CORO2B: variants seen among roughly 807,000 people sequenced by gnomAD.
CORO2B encodes coronin 2B.
CORO2B carries 26 observed loss-of-function variants against 58.8 expected under a neutral mutation model. The ratio of observed to expected loss-of-function variants is 0.44; its 90% confidence interval spans 0.32 to 0.61. CORO2B has a LOEUF of 0.61. Ranked by LOEUF, CORO2B falls within the 20% of genes least tolerant of loss-of-function variation. The pLI is 0.04. For synonymous variants in CORO2B, 242 were observed against 253.8 expected (o/e 0.95, Z 0.44); for missense variants, 460 against 645.1 (o/e 0.71, Z 3.11).
chr15:68,540,770 A>AAAACACACACAC, the CORO2B span, among the ~76,000 whole-genome samples: 1 of 152,204 alleles, frequency 6.6e-6, no homozygotes, highest in Non-Finnish European at 1.5e-5. Flanking sequence ...CATGGTGGTT[A>AAAACACACACAC]AAACACACAC....
At chr15:68,613,176 G>C (rs368562338) in intron 1 of CORO2B, among the ~76,000 whole-genome samples, 2 of 152,176 alleles carry the variant, frequency 1.3e-5, no homozygotes, top group African/African-American at 4.8e-5. Flanking sequence ...TTTATCGCAT[G>C]ACCACATACT....
chr15:68,528,312 T>TC, the CORO2B span, among the ~76,000 whole-genome samples: 1 of 152,196 alleles, frequency 6.6e-6, no homozygotes, highest in Non-Finnish European at 1.5e-5. Flanking sequence ...GAGGAAGTTT[T>TC]CTTCTATTCC....
chr15:68,677,532 G>T (rs1902628081), intron 2 of CORO2B, among the ~76,000 whole-genome samples: 1 of 152,206 alleles, frequency 6.6e-6, no homozygotes, highest in Non-Finnish European at 1.5e-5. Context: ...CCAGATGGTG[G>T]CGGGGGGATG....
chr15:68,632,624 T>C (rs547024908), intron 1 of CORO2B, among the ~76,000 whole-genome samples: 65 of 152,372 alleles, frequency 4.3e-4, no homozygotes, highest in African/African-American at 1.5e-3. Flanking sequence ...AGAGTCTTGC[T>C]CTGTCATCCA....
At chr15:68,672,303 A>G (rs1902429704) in intron 2 of CORO2B, among the ~76,000 whole-genome samples, 2 of 151,886 alleles carry the variant, frequency 1.3e-5, no homozygotes. Context: ...TGGTACAATC[A>G]TAGCTCACTG....
intron 11 of CORO2B, among the ~76,000 whole-genome samples, chr15:68,720,588 T>A (rs150925990): frequency 1.5e-3 from 233 of 152,296 alleles, no homozygotes; most frequent in African/African-American, 5.3e-3. Context: ...CCTCAGGGGC[T>A]ATTGGAGTGA....
At chr15:68,722,362 T>C (rs1477592054) in intron 11 of CORO2B, among the ~76,000 whole-genome samples, 1 of 152,222 alleles carries the variant, frequency 6.6e-6, no homozygotes, top group African/African-American at 2.4e-5. Flanking sequence ...TCTGCCTTTA[T>C]CCACAGTTTT....
At chr15:68,615,690 G>A (rs1900337153) in intron 1 of CORO2B, among the ~76,000 whole-genome samples, 1 of 152,156 alleles carries the variant, frequency 6.6e-6, no homozygotes, top group African/African-American at 2.4e-5. Flanking sequence ...AGAGGCCCTT[G>A]TGTCTTCCAC....
At chr15:68,652,973 C>A (rs1396765867) in intron 2 of CORO2B, among the ~76,000 whole-genome samples, 1 of 152,172 alleles carries the variant, frequency 6.6e-6, no homozygotes, top group Non-Finnish European at 1.5e-5. Context: ...TCAACCAACA[C>A]TTTATTACAC....
the CORO2B span, among the ~76,000 whole-genome samples, chr15:68,550,048 G>C: frequency 6.6e-6 from 1 of 152,108 alleles, no homozygotes; most frequent in South Asian, 2.1e-4. Context: ...TTTGCTTCCT[G>C]CTTCCTGCGG....
chr15:68,592,018 A>T (rs1899719695), intron 1 of CORO2B, among the ~76,000 whole-genome samples: 1 of 152,100 alleles, frequency 6.6e-6, no homozygotes, highest in Admixed American at 6.5e-5. Context: ...GAGCTTCTGG[A>T]TGCGAGTTTA....
At chr15:68,535,183 A>T in the CORO2B span, among the ~76,000 whole-genome samples, 1 of 152,150 alleles carries the variant, frequency 6.6e-6, no homozygotes, top group South Asian at 2.1e-4. Flanking sequence ...GGTTCCTTTG[A>T]TCATGTTTCT....
intron 2 of CORO2B, among the ~76,000 whole-genome samples, chr15:68,691,598 C>A (rs1892372889): frequency 1.1e-4 from 1 of 8,794 alleles, no homozygotes; most frequent in African/African-American, 1.7e-4. Context: ...GCACTCCAGC[C>A]TGGGCGACAG....
At chr15:68,586,652 G>A (rs1478381834) in intron 1 of CORO2B, among the ~76,000 whole-genome samples, 3 of 152,154 alleles carry the variant, frequency 2.0e-5, no homozygotes, top group South Asian at 2.1e-4. Flanking sequence ...GTAAAAGGTG[G>A]CCCAGTGAGG....
At chr15:68,542,040 C>T in the CORO2B span, among the ~76,000 whole-genome samples, 5 of 152,192 alleles carry the variant, frequency 3.3e-5, no homozygotes, top group African/African-American at 1.2e-4. Flanking sequence ...GGGACTGTCT[C>T]ATTTGTTTGT....
At chr15:68,718,905 G>A in intron 9 of CORO2B, 95 bp downstream of exon 9, 1 of 1,133,130 alleles carries the variant, frequency 8.8e-7, no homozygotes, top group Non-Finnish European at 1.3e-6. Flanking sequence ...CCAGGTGAGA[G>A]ATGTGCTGTG....
At chr15:68,605,720 T>TTG (rs1900098139) in intron 1 of CORO2B, among the ~76,000 whole-genome samples, 1 of 121,396 alleles carries the variant, frequency 8.2e-6, no homozygotes, top group Non-Finnish European at 1.8e-5. Context: ...GGTTTTTTTT[T>TTG]TTTTTTTTTT....
chr15:68,540,784 A>C, the CORO2B span, among the ~76,000 whole-genome samples: 2 of 152,144 alleles, frequency 1.3e-5, no homozygotes, highest in African/African-American at 4.8e-5. Context: ...CACACACACA[A>C]ACACACACAC....
In CORO2B at chr15:68,663,321, T is replaced by C. The variant is rs1902075146; in HGVS notation, c.216+17961T>C. The stretch of plus-strand genomic sequence containing the variant: ...TTTGCCTATTGATAAGTATTTCCAT[T>C]GTTTCTTAAGTTTCACTATCATAGA... On this transcript the variant is annotated intron_variant, in intron 2 of 11. Transcript: ENST00000261861. Among the ~76,000 whole-genome samples, 4 of 152,352 alleles carry C rather than the reference T, an allele frequency of 2.6e-5. No individual in the cohort carries two copies. In the South Asian group the frequency reaches 8.3e-4, roughly 32 times the overall value.
Sources: gnomAD v4.1 joint callset for allele counts (sites outside exome capture counted in the v4.1 genomes callset) on GRCh38, gnomAD v4.1.1 for gene constraint, MANE v1.5 for transcripts, NCBI Gene and HGNC (gene_info 2026-07-23, HGNC 2026-07-21) for gene names.